The following SEZ6L variants were observed in gnomAD, a reference collection of about 807,000 sequenced individuals.
SEZ6L encodes the protein seizure related 6 homolog like.
SEZ6L carries 37 observed loss-of-function variants against 106.2 expected under a neutral mutation model. The observed-to-expected ratio is 0.35, with a 90% CI of 0.27 to 0.46. SEZ6L has a LOEUF of 0.46. Among genes scored for constraint, SEZ6L ranks in the 20% least tolerant of loss-of-function variants. The pLI, the probability that SEZ6L is intolerant of heterozygous loss-of-function variation, is 1.00. For missense variants in SEZ6L, 1,172 were observed against 1,332.8 expected, an observed-to-expected ratio of 0.88 and a Z score of 1.88; for synonymous variants, 541 against 570.4, an observed-to-expected ratio of 0.95 and a Z score of 0.73.
At chr22:26,243,085 G>A (rs1266026893) in intron 1 of SEZ6L, among the ~76,000 whole-genome samples, 1 of 152,056 alleles carries the variant, frequency 6.6e-6, no homozygotes, top group Non-Finnish European at 1.5e-5. Flanking sequence ...CTTTGTCTCT[G>A]TGGCCAAATT....
At chr22:26,309,798 C>G (rs2081757403) in intron 6 of SEZ6L, among the ~76,000 whole-genome samples, 1 of 152,170 alleles carries the variant, frequency 6.6e-6, no homozygotes, top group South Asian at 2.1e-4. Flanking sequence ...AGGCTACTAT[C>G]TAACTCCTGA....
intron 1 of SEZ6L, among the ~76,000 whole-genome samples, chr22:26,186,795 A>G (rs1275737183): frequency 1.3e-5 from 2 of 152,170 alleles, no homozygotes; most frequent in Non-Finnish European, 2.9e-5. Flanking sequence ...GCAGAGAATC[A>G]TTGTCAGTGG....
intron 10 of SEZ6L, among the ~76,000 whole-genome samples, chr22:26,345,272 C>A (rs752424009): frequency 3.9e-5 from 6 of 152,160 alleles, no homozygotes; most frequent in Non-Finnish European, 5.9e-5. Flanking sequence ...CCAAGGCCAC[C>A]CAGTTAGTAA....
chr22:26,298,061 A>G (rs2081351449), intron 4 of SEZ6L, among the ~76,000 whole-genome samples: 1 of 152,192 alleles, frequency 6.6e-6, no homozygotes, highest in South Asian at 2.1e-4. Context: ...TGAAAACAAC[A>G]ACAACTCATT....
chr22:26,373,326 A>C (rs2084104036), intron 13 of SEZ6L, 125 bp from the exon 14 acceptor site: 4 of 780,876 alleles, frequency 5.1e-6, no homozygotes, highest in Non-Finnish European at 8.5e-6. Flanking sequence ...CAAGATAAGT[A>C]AAAACATACC....
intron 1 of SEZ6L, among the ~76,000 whole-genome samples, chr22:26,288,482 G>C (rs562863516): frequency 1.3e-5 from 2 of 152,302 alleles, no homozygotes; most frequent in East Asian, 1.9e-4. Context: ...TCAAGCTGAG[G>C]AGGAGGATGC....
chr22:26,368,008 A>G (rs562733856), intron 13 of SEZ6L, among the ~76,000 whole-genome samples: 2 of 152,364 alleles, frequency 1.3e-5, no homozygotes, highest in South Asian at 2.1e-4. Flanking sequence ...GAAGTGCACA[A>G]TCAGTAATAG....
At position 26,208,941 on chromosome 22, in the gene SEZ6L, ATTC is replaced by A. The variant is rs1480200146; in HGVS notation, c.94+39184_94+39186del. On this transcript the variant is annotated intron_variant, in intron 1 of 16. Coordinates refer to ENST00000248933, the MANE Select transcript of SEZ6L (RefSeq NM_021115.5). ...TATTTCCCGCAAATCCCTGGGTTTT[ATTC>A]TTCTTAATCTTTTTTCTTTATTTTC... Among the ~76,000 whole-genome samples, 4 of 123,744 alleles carry A rather than the reference ATTC, an allele frequency of 3.2e-5. No individual in the cohort carries two copies. In the East Asian group the frequency reaches 7.2e-4, roughly 22 times the overall value. 81.2% of individuals were successfully genotyped at this position (123,744 alleles called of 152,430 possible).
Position 26,313,799 on chromosome 22 carries a change from G to T in SEZ6L, c.1912G>T (p.Val638Leu). Reference sequence around the variant, plus strand: ...TGGGGAGCTCTCTGCTGTGGCTGGGGTGGTATTGTCCCCAAACTGGCCCGA... The same window carrying T: ...TGGGGAGCTCTCTGCTGTGGCTGGGTTGGTATTGTCCCCAAACTGGCCCGA... ...CGGELSAVAG[V>L]VLSPNWPEPY... Residue 638 changes from valine (V) to leucine (L), a missense_variant, in exon 9 of 17, where the codon GTG (valine) becomes TTG (leucine). Around this residue, in one of 4 missense-constraint regions of SEZ6L, gnomAD observed 534 missense variants for 691.0 expected, o/e 0.77. Coordinates refer to ENST00000248933, the MANE Select transcript of SEZ6L (RefSeq NM_021115.5). The T allele has an allele frequency of 6.2e-7, 1 of 1,612,896 alleles. No homozygotes were observed. Among genetic ancestry groups the T allele is most frequent in the Non-Finnish European group, 8.5e-7 (1 of 1,178,938 alleles).
At chr22:26,323,426 A>ATT (rs2082212939) in intron 9 of SEZ6L, among the ~76,000 whole-genome samples, 1 of 152,174 alleles carries the variant, frequency 6.6e-6, no homozygotes, top group Non-Finnish European at 1.5e-5. Context: ...TGAGCCCAGG[A>ATT]GTTCAAGACC....
At chr22:26,233,276 G>A (rs1031418469) in intron 1 of SEZ6L, among the ~76,000 whole-genome samples, 8 of 152,276 alleles carry the variant, frequency 5.3e-5, no homozygotes, top group East Asian at 1.9e-4. Context: ...CTCATGCGGC[G>A]CCTCTTCCTG....
intron 1 of SEZ6L, among the ~76,000 whole-genome samples, chr22:26,201,094 G>A (rs1222492311): frequency 6.6e-6 from 1 of 152,094 alleles, no homozygotes; most frequent in Non-Finnish European, 1.5e-5. Context: ...TTGCTCCTCA[G>A]TGAACTTGTC....
At chr22:26,265,590 G>C (rs1248831649) in intron 1 of SEZ6L, among the ~76,000 whole-genome samples, 1 of 152,194 alleles carries the variant, frequency 6.6e-6, no homozygotes, top group Non-Finnish European at 1.5e-5. Flanking sequence ...TCAGAGAGCT[G>C]CAAACCGCCT....
At chr22:26,344,648 A>T in intron 10 of SEZ6L, among the ~76,000 whole-genome samples, 1 of 152,228 alleles carries the variant, frequency 6.6e-6, no homozygotes, top group African/African-American at 2.4e-5. Flanking sequence ...AATCTTGTCC[A>T]TGAGACCGAA....
chr22:26,312,377 A>G (rs959445845), intron 8 of SEZ6L, among the ~76,000 whole-genome samples: 5 of 152,210 alleles, frequency 3.3e-5, no homozygotes, highest in African/African-American at 4.8e-5. Flanking sequence ...GCATTATCTG[A>G]TTTCAACCTC....
chr22:26,273,782 G>T lies in SEZ6L; in HGVS notation c.95-18624G>T, dbSNP rs544236727. 2.1e-4 allele frequency among the ~76,000 whole-genome samples: 32 copies of T among 152,328 alleles called. No individual in the cohort carries two copies. In the South Asian group the frequency reaches 6.2e-3, roughly 30 times the overall value. Reference sequence around the variant, plus strand: ...GATGACTGGGAGCTGGGCTGCCGTGGGGTGAGATGGTGCAGGATGGGATAG... The same window carrying T: ...GATGACTGGGAGCTGGGCTGCCGTGTGGTGAGATGGTGCAGGATGGGATAG... On this transcript the variant is annotated intron_variant, in intron 1 of 16. Transcript: ENST00000248933.
chr22:26,293,818 T>G (rs549767261), intron 2 of SEZ6L, among the ~76,000 whole-genome samples: 39 of 152,226 alleles, frequency 2.6e-4, no homozygotes, highest in Non-Finnish European at 4.6e-4. Flanking sequence ...TTTCTAGACT[T>G]GATAAAATGC....
intron 1 of SEZ6L, among the ~76,000 whole-genome samples, chr22:26,278,533 C>A (rs1453828364): frequency 6.6e-6 from 1 of 152,150 alleles, no homozygotes; most frequent in Non-Finnish European, 1.5e-5. Flanking sequence ...TAAGTGAGAA[C>A]ATGCAGTATT....
rs1168241174 is a variant in SEZ6L, at chr22:26,292,631, C to A, written c.320C>A (p.Ala107Asp). Residue 107 changes from alanine to aspartate, a missense_variant, in exon 2 of 17, where the codon GCC (alanine) becomes GAC (aspartate). By Grantham distance (126) the Ala-to-Asp change is moderately radical. Around this residue, in one of 4 missense-constraint regions of SEZ6L, gnomAD observed 494 missense variants for 445.8 expected, o/e 1.11. Coordinates refer to ENST00000248933, the MANE Select transcript of SEZ6L (RefSeq NM_021115.5). The part of the protein sequence containing the change: ...PALSPLLPEE[A>D]RPKHALPPKK... ...CTGTCACCGCTGCTTCCAGAGGAGG[C>A]CCGCCCCAAGCACGCCTTGCCCCCC... The A allele has an allele frequency of 6.2e-7, 1 of 1,613,012 alleles. No homozygotes were observed. Among genetic ancestry groups the A allele is most frequent in the East Asian group, 2.2e-5 (1 of 44,826 alleles).
Sources: allele counts gnomAD v4.1 joint callset (sites outside exome capture counted in the v4.1 genomes callset), GRCh38; gene constraint gnomAD v4.1.1; regional missense constraint gnomAD v4.1.1; transcripts MANE v1.5; gene names NCBI Gene and HGNC (gene_info 2026-07-23, HGNC 2026-07-21).